The following CADM2 variants were observed in gnomAD, a reference collection of about 807,000 sequenced individuals.
The protein encoded by CADM2 is cell adhesion molecule 2.
Under a neutral mutation model 49.8 loss-of-function variants are expected in CADM2, and 12 were observed. That is an observed-to-expected ratio of 0.24 (90% CI 0.15 to 0.39). The LOEUF (loss-of-function observed/expected upper bound fraction) is 0.39, where lower values mean the gene tolerates loss of function less well. Among genes scored for constraint, CADM2 ranks in the 10% least tolerant of loss-of-function variants. The probability of loss-of-function intolerance (pLI) is 1.00; values close to 1 mark genes in which losing one functional copy is unlikely to be tolerated. For synonymous variants in CADM2, 214 were observed against 175.4 expected (o/e 1.22, Z -1.74); for missense variants, 378 against 492.3 (o/e 0.77, Z 2.20).
At chr3:85,651,584 A>T (rs1014056802) in intron 1 of CADM2, among the ~76,000 whole-genome samples, 1 of 152,174 alleles carries the variant, frequency 6.6e-6, no homozygotes, top group African/African-American at 2.4e-5. Context: ...ACAATTTCTG[A>T]TATAACAAAG....
At chr3:85,802,307 G>A (rs1484837377) in intron 3 of CADM2, 111 bp downstream of exon 3, 2 of 916,842 alleles carry the variant, frequency 2.2e-6, no homozygotes, top group Non-Finnish European at 3.1e-6. Flanking sequence ...CCAAACTGCT[G>A]CTGCTTGTAT....
At chr3:86,032,424 T>C (rs1353251498) in intron 8 of CADM2, among the ~76,000 whole-genome samples, 1 of 151,914 alleles carries the variant, frequency 6.6e-6, no homozygotes, top group Non-Finnish European at 1.5e-5. Context: ...TTCTTTTGTG[T>C]CTTACCAATT....
chr3:85,854,636 G>T (rs2075236166), intron 3 of CADM2, among the ~76,000 whole-genome samples: 1 of 152,026 alleles, frequency 6.6e-6, no homozygotes, highest in Admixed American at 6.6e-5. Context: ...TCAGGGGTTG[G>T]GGGTCAAGGG....
At chr3:85,482,049 A>T (rs9841144) in intron 1 of CADM2, among the ~76,000 whole-genome samples, 25,822 of 151,620 alleles carry the variant, frequency 0.17, 2,684 homozygotes, top group Non-Finnish European at 0.23. Flanking sequence ...TAAGAATTTG[A>T]CTCATTATAA....
chr3:85,850,414 T>A lies in CADM2; in HGVS notation c.239-32877T>A, dbSNP rs532751461. 6.7e-5 allele frequency among the ~76,000 whole-genome samples: 9 copies of A among 134,542 alleles called. 1 individual carries two copies. The highest frequency in any genetic ancestry group is 2.5e-4 in the African/African-American group (9 of 35,932). 88.3% of individuals were successfully genotyped at this position (134,542 alleles called of 152,430 possible). On this transcript the variant is annotated intron_variant, in intron 3 of 9. Coordinates refer to ENST00000383699, the MANE Select transcript of CADM2 (RefSeq NM_001167675.2). ...ATCTCGGCTCACTGCAAGCTCCGCC[T>A]CCCGGGTTCACACCATTCTCCTGCC...
chr3:85,041,712 G>A (rs1172438971), intron 1 of CADM2, among the ~76,000 whole-genome samples: 1 of 152,138 alleles, frequency 6.6e-6, no homozygotes, highest in Admixed American at 6.6e-5. Flanking sequence ...AGCCTTGTGT[G>A]GTTTTATCCC....
At chr3:85,430,157 G>A (rs979305539) in intron 1 of CADM2, among the ~76,000 whole-genome samples, 11 of 152,134 alleles carry the variant, frequency 7.2e-5, no homozygotes, top group South Asian at 6.2e-4. Flanking sequence ...ATGTGCAAGG[G>A]CATGGAATTG....
chr3:85,437,780 T>C (rs1160351933), intron 1 of CADM2, among the ~76,000 whole-genome samples: 1 of 152,006 alleles, frequency 6.6e-6, no homozygotes, highest in African/African-American at 2.4e-5. Context: ...CCATTTATTG[T>C]TCCTTTTTTC....
At chr3:85,365,029 G>A (rs566612202) in intron 1 of CADM2, among the ~76,000 whole-genome samples, 3 of 151,840 alleles carry the variant, frequency 2.0e-5, no homozygotes, top group South Asian at 4.1e-4. Context: ...GATCTTTTAT[G>A]TTCTTAATCA....
chr3:85,808,563 C>A (rs2072607376), intron 3 of CADM2, among the ~76,000 whole-genome samples: 1 of 152,118 alleles, frequency 6.6e-6, no homozygotes, highest in Non-Finnish European at 1.5e-5. Flanking sequence ...CAATTCCTTC[C>A]TATTATTGAC....
At chr3:85,506,356 C>T (rs2040351438) in intron 1 of CADM2, among the ~76,000 whole-genome samples, 1 of 152,030 alleles carries the variant, frequency 6.6e-6, no homozygotes, top group African/African-American at 2.4e-5. Flanking sequence ...TTTGACCAGC[C>T]CCAGTGATGT....
chr3:85,945,676 A>G (rs1378727855), intron 7 of CADM2, among the ~76,000 whole-genome samples: 2 of 152,080 alleles, frequency 1.3e-5, no homozygotes, highest in East Asian at 3.9e-4. Flanking sequence ...AAAGACAAAA[A>G]CCACGTGATT....
intron 1 of CADM2, among the ~76,000 whole-genome samples, chr3:85,066,323 ATGGTGGGTGGACCAATAC>A (rs1218007767): frequency 6.6e-6 from 1 of 151,698 alleles, no homozygotes; most frequent in Non-Finnish European, 1.5e-5. Flanking sequence ...ACCATGAGAC[ATGGTGGGTGGACCAATAC>A]TGATTCCCCA....
rs183501188 is a variant in CADM2 at position 84,985,846 on chromosome 3, G to T, written c.61+26178G>T. Among the ~76,000 whole-genome samples the T allele has an allele frequency of 1.4e-3, 220 of 152,250 alleles. 1 individual carries two copies. Among genetic ancestry groups the T allele is most frequent in the African/African-American group, 4.7e-3 (196 of 41,552 alleles). On this transcript the variant is annotated intron_variant, in intron 1 of 9. Coordinates refer to ENST00000383699, the MANE Select transcript of CADM2 (RefSeq NM_001167675.2). The stretch of plus-strand genomic sequence containing the variant: ...TGAAGTACCTTCAATGCAATTAAAA[G>T]ATTCTAATCTAACCAAAGAAAAAAT...
In CADM2 at chr3:85,009,896, T is replaced by C. The variant is rs187681272; in HGVS notation, c.61+50228T>C. On this transcript the variant is annotated intron_variant, in intron 1 of 9. Transcript: ENST00000383699. The stretch of plus-strand genomic sequence containing the variant: ...ATAAATAAATAAATAAATAAATAAA[T>C]AAATAAATAAATATTTTAAAAAATA... Among the ~76,000 whole-genome samples, 60 of 149,470 alleles carry C rather than the reference T, an allele frequency of 4.0e-4. No individual in the cohort carries two copies. The East Asian group carries it at 7.0e-3, about 17-fold the overall frequency.
chr3:85,874,847 A>G (rs1480513282), intron 3 of CADM2, among the ~76,000 whole-genome samples: 1 of 152,186 alleles, frequency 6.6e-6, no homozygotes, highest in African/African-American at 2.4e-5. Flanking sequence ...AGTCTCTTGA[A>G]AATGGGTATT....
chr3:85,302,090 T>A (rs1285153118), intron 1 of CADM2, among the ~76,000 whole-genome samples: 2 of 152,038 alleles, frequency 1.3e-5, no homozygotes, highest in African/African-American at 2.4e-5. Flanking sequence ...TTCAAACAAC[T>A]GAATTACTTT....
chr3:85,505,701 G>A (rs1037778299), intron 1 of CADM2, among the ~76,000 whole-genome samples: 1 of 152,124 alleles, frequency 6.6e-6, no homozygotes, highest in Non-Finnish European at 1.5e-5. Context: ...ACTTTTATCT[G>A]TGTACCAGTC....
At chr3:85,245,253 C>G (rs920785910) in intron 1 of CADM2, among the ~76,000 whole-genome samples, 2 of 152,152 alleles carry the variant, frequency 1.3e-5, no homozygotes, top group African/African-American at 2.4e-5. Flanking sequence ...AGAATTTAGC[C>G]TGTAATCCCA....
Sources: allele counts gnomAD v4.1 joint callset (sites outside exome capture counted in the v4.1 genomes callset), GRCh38; gene constraint gnomAD v4.1.1; transcripts MANE v1.5; gene names NCBI Gene and HGNC (gene_info 2026-07-23, HGNC 2026-07-21).